The following RBFOX1 variants were observed in gnomAD, a reference collection of about 807,000 sequenced individuals.
RBFOX1 encodes the protein RNA binding protein fox-1 homolog 1.
In RBFOX1, 8 loss-of-function variants were observed where a neutral mutation model predicts 57.7. The observed-to-expected ratio is 0.14, with a 90% CI of 0.08 to 0.25. The LOEUF is 0.25. Ranked by LOEUF, RBFOX1 falls within the 10% of genes least tolerant of loss-of-function variation. RBFOX1 has a pLI of 1.00. For synonymous variants in RBFOX1, 326 were observed against 222.4 expected, an observed-to-expected ratio of 1.47 and a Z score of -4.15; for missense variants, 611 against 548.5, an observed-to-expected ratio of 1.11 and a Z score of -1.14.
chr16:6,999,566 C>G (rs567398875), intron 3 of RBFOX1, among the ~76,000 whole-genome samples: 13 of 152,036 alleles, frequency 8.6e-5, no homozygotes, highest in African/African-American at 3.1e-4. Context: ...GAATAGTATA[C>G]TGATCCCTCA....
chr16:7,373,683 A>G (rs560850093), intron 4 of RBFOX1, among the ~76,000 whole-genome samples: 6 of 152,362 alleles, frequency 3.9e-5, no homozygotes, highest in South Asian at 2.1e-4. Context: ...GTTGGCAGCA[A>G]TAATTGCAAT....
intron 1 of RBFOX1, among the ~76,000 whole-genome samples, chr16:6,168,798 C>T (rs1456694890): frequency 2.0e-5 from 3 of 151,388 alleles, no homozygotes. Flanking sequence ...TGCATTTTCA[C>T]TGGTTCTTTC....
intron 4 of RBFOX1, among the ~76,000 whole-genome samples, chr16:7,063,158 G>A (rs1264709980): frequency 2.6e-5 from 4 of 151,920 alleles, no homozygotes; most frequent in Admixed American, 1.3e-4. Context: ...TAGGGCACAC[G>A]CAGGGCTAGA....
At chr16:6,091,701 G>A (rs1053356597) in intron 1 of RBFOX1, among the ~76,000 whole-genome samples, 4 of 152,134 alleles carry the variant, frequency 2.6e-5, no homozygotes, top group African/African-American at 9.7e-5. Flanking sequence ...GTGGTGTCAG[G>A]AGCCTGGAAT....
Position 5,258,614 on chromosome 16 carries a change from G to T in RBFOX1, c.219+18509G>T, listed in dbSNP as rs58426638. Among the ~76,000 whole-genome samples, 15 of 152,134 alleles carry T rather than the reference G, an allele frequency of 9.9e-5. No individual in the cohort carries two copies. In the East Asian group the frequency reaches 2.7e-3, roughly 27 times the overall value. On this transcript the variant is annotated intron_variant, in intron 1 of 2. Transcript: ENST00000585867. ...TGATGTCTAAGCTCTGTGGTCCATT[G>T]TGGCTTTACTTGAAAGTCTCAGGCT... is the stretch of plus-strand genomic sequence containing the variant.
chr16:7,474,337 C>A (rs565538538), intron 4 of RBFOX1, among the ~76,000 whole-genome samples: 3 of 152,230 alleles, frequency 2.0e-5, no homozygotes, highest in African/African-American at 7.2e-5. Flanking sequence ...TCTCTCTCAG[C>A]TGTTATGCTG....
intron 2 of RBFOX1, among the ~76,000 whole-genome samples, chr16:5,555,081 G>C (rs1360078508): frequency 6.6e-6 from 1 of 152,128 alleles, no homozygotes; most frequent in African/African-American, 2.4e-5. Context: ...ACTCTTTTGT[G>C]TGTTTGTGAC....
At chr16:6,820,164 C>G (rs1399536337) in intron 3 of RBFOX1, among the ~76,000 whole-genome samples, 3 of 152,174 alleles carry the variant, frequency 2.0e-5, no homozygotes, top group Non-Finnish European at 4.4e-5. Context: ...CCATATAAGA[C>G]ATACCTTTGC....
intron 3 of RBFOX1, among the ~76,000 whole-genome samples, chr16:6,872,836 A>G (rs2061174300): frequency 6.6e-6 from 1 of 152,170 alleles, no homozygotes; most frequent in South Asian, 2.1e-4. Flanking sequence ...TGGGTCTTTA[A>G]AAGAGTTAAC....
chr16:5,292,113 G>A (rs1027421919), intron 1 of RBFOX1, among the ~76,000 whole-genome samples: 5 of 151,874 alleles, frequency 3.3e-5, no homozygotes, highest in South Asian at 2.1e-4. Context: ...TGAGAAATGC[G>A]GAATGCTATT....
intron 2 of RBFOX1, among the ~76,000 whole-genome samples, chr16:6,643,870 A>G (rs921855489): frequency 6.6e-6 from 1 of 152,102 alleles, no homozygotes; most frequent in Non-Finnish European, 1.5e-5. Context: ...TCATGCCTGT[A>G]ATCCCAGCAC....
At chr16:5,528,275 G>T (rs74453469) in intron 2 of RBFOX1, among the ~76,000 whole-genome samples, 51 of 152,274 alleles carry the variant, frequency 3.3e-4, no homozygotes, top group Non-Finnish European at 6.6e-4. Flanking sequence ...TTCCGTGGGG[G>T]AGTGTAGGAC....
chr16:6,763,209 A>T (rs932795866), intron 3 of RBFOX1, among the ~76,000 whole-genome samples: 17 of 152,332 alleles, frequency 1.1e-4, no homozygotes, highest in African/African-American at 3.1e-4. Context: ...CAAGTGGAAG[A>T]TGTTCAATAA....
intron 4 of RBFOX1, among the ~76,000 whole-genome samples, chr16:5,896,840 C>T (rs1325303810): frequency 1.3e-5 from 2 of 152,084 alleles, no homozygotes; most frequent in Non-Finnish European, 2.9e-5. Flanking sequence ...GAAGCATCAA[C>T]AGCATCACTA....
At chr16:6,619,180 A>G (rs1567909892) in intron 2 of RBFOX1, among the ~76,000 whole-genome samples, 1 of 150,972 alleles carries the variant, frequency 6.6e-6, no homozygotes, top group African/African-American at 2.4e-5. Flanking sequence ...AAAAAAAAAA[A>G]CAACTTCTGA....
rs76825733 is a variant in RBFOX1, at chr16:6,480,541, A to C, written c.-64+163484A>C. Among the ~76,000 whole-genome samples, 860 of 152,304 alleles carry C rather than the reference A, an allele frequency of 5.6e-3. 34 individuals are homozygous for C. In the East Asian group the frequency reaches 0.12, roughly 21 times the overall value. On this transcript the variant is annotated intron_variant, in intron 2 of 15. Transcript: ENST00000550418. The stretch of plus-strand genomic sequence containing the variant: ...AAAAACTATTTAAAGTATCAAAACC[A>C]TTTTTAACTAGCAGGCTGTACAGAA...
intron 1 of RBFOX1, among the ~76,000 whole-genome samples, chr16:5,392,603 A>G (rs903064178): frequency 6.6e-6 from 1 of 151,490 alleles, no homozygotes; most frequent in Admixed American, 6.6e-5. Context: ...CAGTGGTGCA[A>G]TCACGACTCA....
intron 3 of RBFOX1, among the ~76,000 whole-genome samples, chr16:6,913,171 T>C (rs2072153868): frequency 6.6e-6 from 1 of 152,134 alleles, no homozygotes; most frequent in Non-Finnish European, 1.5e-5. Flanking sequence ...TTTTTGTTTT[T>C]CCTGTGGGTT....
chr16:7,521,810 T>C (rs1204330480), intron 5 of RBFOX1, among the ~76,000 whole-genome samples: 1 of 152,202 alleles, frequency 6.6e-6, no homozygotes, highest in African/African-American at 2.4e-5. Context: ...GGAAGCATGT[T>C]GGCCCATACA....
Sources: gnomAD v4.1 joint callset for allele counts (sites outside exome capture counted in the v4.1 genomes callset) on GRCh38, gnomAD v4.1.1 for gene constraint, MANE v1.5 for transcripts, NCBI Gene and HGNC (gene_info 2026-07-23, HGNC 2026-07-21) for gene names.